The following NUP42 variants were observed in gnomAD, a reference collection of about 807,000 sequenced individuals.
NUP42 encodes the protein nucleoporin NUP42.
Under a neutral mutation model 35.9 loss-of-function variants are expected in NUP42, and 47 were observed. That is an observed-to-expected ratio of 1.31 (90% CI 1.04 to 1.67). NUP42 has a LOEUF of 1.67. Among genes scored for constraint, NUP42 ranks in the 40% most tolerant of loss-of-function variants. The pLI, the probability that NUP42 is intolerant of heterozygous loss-of-function variation, is 0.00. For missense variants in NUP42, 514 were observed against 492.2 expected, an observed-to-expected ratio of 1.04 and a Z score of -0.42; for synonymous variants, 173 against 173.3, an observed-to-expected ratio of 1.00 and a Z score of 0.01.
intron 3 of NUP42, chr7:23,195,605 A>G (rs1033780027): frequency 1.6e-5 from 6 of 380,972 alleles, no homozygotes; most frequent in African/African-American, 8.5e-5. Flanking sequence ...TGTTCATTCT[A>G]CGCCACTTAT....
At chr7:23,187,229 A>T (rs1481575242) in intron 3 of NUP42, 83 bp downstream of exon 3, 1 of 893,564 alleles carries the variant, frequency 1.1e-6, no homozygotes, top group African/African-American at 1.7e-5. Flanking sequence ...TAAAGAAATC[A>T]ACTACCAACT....
chr7:23,193,896 C>T (rs1388321111), intron 3 of NUP42, among the ~76,000 whole-genome samples: 1 of 152,256 alleles, frequency 6.6e-6, no homozygotes, highest in African/African-American at 2.4e-5. Flanking sequence ...GCAGCTAAGA[C>T]CCGGCAAGAA....
intron 5 of NUP42, chr7:23,197,099 A>G: frequency 1.6e-6 from 1 of 640,554 alleles, no homozygotes; most frequent in South Asian, 1.6e-5. Context: ...TTGAACAGTT[A>G]TATGAATGCA....
chr7:23,199,202 C>T (rs1169935880), intron 5 of NUP42, among the ~76,000 whole-genome samples: 2 of 152,152 alleles, frequency 1.3e-5, no homozygotes, highest in Middle Eastern at 3.4e-3. Context: ...CTCAGGCTCC[C>T]AAATAGCTGG....
At position 23,188,004 on chromosome 7, in the gene NUP42, TTTA is replaced by T. The variant is rs759035881; in HGVS notation, c.445+861_445+863del. 124 of 1,034,276 alleles carry T rather than the reference TTTA, an allele frequency of 1.2e-4. 1 individual carries two copies. The African/African-American group carries it at 1.7e-3, about 14-fold the overall frequency. The allele number at this position is 1,034,276 out of a possible 1,614,324, so 64.1% of individuals were successfully genotyped here. On this transcript the variant is annotated intron_variant, in intron 3 of 6. Coordinates refer to ENST00000258742, the MANE Select transcript of NUP42 (RefSeq NM_007342.3). ...ATATTCTCTCTCTCTTTTTTTATTT[TTTA>T]TTTTTATTTTTTTTTTTGTCCATAG...
intron 1 of NUP42, among the ~76,000 whole-genome samples, chr7:23,183,125 G>A (rs561536287): frequency 6.6e-6 from 1 of 152,072 alleles, no homozygotes; most frequent in Non-Finnish European, 1.5e-5. Flanking sequence ...TTATCTTCAA[G>A]GAAAGGAGAG....
Position 23,196,632 on chromosome 7 carries a change from C to T in NUP42, c.523-48C>T, listed in dbSNP as rs1392759382. 4 of 1,317,318 alleles carry T rather than the reference C, an allele frequency of 3.0e-6. No individual in the cohort carries two copies. In the South Asian group the frequency reaches 3.7e-5, roughly 12 times the overall value. The allele number at this position is 1,317,318 out of a possible 1,614,324, so 81.6% of individuals were successfully genotyped here. ...GTGAAGTTTTTATTGAAGAAACTAA[C>T]TTAAACATACAATATTGAACTGTTA... On this transcript the variant is annotated intron_variant, in intron 4 of 6. Coordinates refer to ENST00000258742, the MANE Select transcript of NUP42 (RefSeq NM_007342.3).
At chr7:23,196,407 G>T in intron 4 of NUP42, 1 of 365,172 alleles carries the variant, frequency 2.7e-6, no homozygotes, top group African/African-American at 2.1e-5. Context: ...ACTAGTACAT[G>T]TATTCACCGC....
At chr7:23,197,038 A>G in intron 5 of NUP42, 1 of 459,584 alleles carries the variant, frequency 2.2e-6, no homozygotes, top group Non-Finnish European at 3.8e-6. Context: ...ATGGCAAACT[A>G]TTACATAAGT....
At chr7:23,184,950 G>A (rs1785538543) in intron 1 of NUP42, 120 bp from the exon 2 acceptor site, 5 of 785,394 alleles carry the variant, frequency 6.4e-6, no homozygotes, top group Non-Finnish European at 9.9e-6. Context: ...AGGTTACAGT[G>A]AGCCAAGATC....
rs369752583 is a variant in NUP42 at position 23,197,987 on chromosome 7, G to A, written c.609+1221G>A. On this transcript the variant is annotated intron_variant, in intron 5 of 6. Coordinates refer to ENST00000258742, the MANE Select transcript of NUP42 (RefSeq NM_007342.3). ...TTGAGGGCTGGGTGCAGTGGCTCAC[G>A]CCTGTAATCCCAGCACTTCGGGAGG... is the stretch of plus-strand genomic sequence containing the variant. 3.6e-3 allele frequency among the ~76,000 whole-genome samples: 544 copies of A among 152,150 alleles called. 4 individuals are homozygous for A. Among genetic ancestry groups the A allele is most frequent in the African/African-American group, 0.013 (522 of 41,524 alleles).
chr7:23,196,603 G>A, intron 4 of NUP42, 77 bp from the exon 5 acceptor site: 1 of 1,045,644 alleles, frequency 9.6e-7, no homozygotes, highest in East Asian at 2.4e-5. Context: ...TGGCAAAGAA[G>A]TATGTGAAGT....
chr7:23,187,940 C>CTG, intron 3 of NUP42: 2 of 267,076 alleles, frequency 7.5e-6, no homozygotes, highest in East Asian at 8.5e-5. Context: ...TTCTCTGTCT[C>CTG]TCTCTCTCTC....
intron 2 of NUP42, 130 bp from the exon 3 acceptor site, chr7:23,186,922 C>T: frequency 1.6e-6 from 1 of 606,980 alleles, no homozygotes; most frequent in Non-Finnish European, 2.8e-6. Context: ...TTAAAGAACA[C>T]TCTTCAGAAA....
In NUP42 at chr7:23,186,348, AACCTTCCTTTCTGCATTTGT is replaced by A. The variant is rs1376901864; in HGVS notation, c.351-703_351-684del. Among the ~76,000 whole-genome samples the A allele has an allele frequency of 9.2e-5, 14 of 152,352 alleles. No individual in the cohort carries two copies. In the South Asian group the frequency reaches 2.9e-3, roughly 32 times the overall value. ...TTTTTTTAAGTAAATGAGCAAACAA[AACCTTCCTTTCTGCATTTGT>A]TGCAATTCTAAATTTAATACAGTTT... On this transcript the variant is annotated intron_variant, in intron 2 of 6. Coordinates refer to ENST00000258742, the MANE Select transcript of NUP42 (RefSeq NM_007342.3).
chr7:23,192,908 G>A (rs185123398), intron 3 of NUP42, among the ~76,000 whole-genome samples: 4 of 152,294 alleles, frequency 2.6e-5, no homozygotes, highest in East Asian at 3.9e-4. Context: ...ATGAAGCCAC[G>A]GACCCTCGCG....
At chr7:23,183,277 TCTCA>T (rs956050605) in intron 1 of NUP42, among the ~76,000 whole-genome samples, 18 of 152,260 alleles carry the variant, frequency 1.2e-4, no homozygotes, top group Admixed American at 5.9e-4. Context: ...AGTCTTGCTC[TCTCA>T]GTCAGGCGGC....
chr7:23,188,905 G>A (rs2128473227), intron 3 of NUP42, among the ~76,000 whole-genome samples: 1 of 152,336 alleles, frequency 6.6e-6, no homozygotes, highest in Non-Finnish European at 1.5e-5. Flanking sequence ...TAAATTACTA[G>A]TAGATGTCAC....
intron 6 of NUP42, 52 bp downstream of exon 6, chr7:23,199,594 A>G (rs1372400605): frequency 1.4e-6 from 2 of 1,460,104 alleles, no homozygotes; most frequent in South Asian, 1.1e-5. Context: ...ATTAGATTTT[A>G]TAGGTTTCAA....
Sources: allele counts gnomAD v4.1 joint callset (sites outside exome capture counted in the v4.1 genomes callset), GRCh38; gene constraint gnomAD v4.1.1; transcripts MANE v1.5; gene names NCBI Gene and HGNC (gene_info 2026-07-23, HGNC 2026-07-21).